Variants in PCDH11X observed in about 807,000 individuals in gnomAD.
PCDH11X encodes the protein protocadherin 11 X-linked, also known as protocadherin-11 X-linked.
Under a neutral mutation model 53.3 loss-of-function variants are expected in PCDH11X, and 18 were observed. That is an observed-to-expected ratio of 0.34 (90% CI 0.23 to 0.50). The LOEUF (loss-of-function observed/expected upper bound fraction) is 0.50, where lower values mean the gene tolerates loss of function less well. Among genes scored for constraint, PCDH11X ranks in the 20% least tolerant of loss-of-function variants. The pLI is 0.98. For missense variants in PCDH11X, 570 were observed against 1,032.4 expected, an observed-to-expected ratio of 0.55 and a Z score of 6.14; for synonymous variants, 279 against 393.3, an observed-to-expected ratio of 0.71 and a Z score of 3.44.
chrX:91,800,559 G>A (rs981062884), intron 1 of PCDH11X, among the ~76,000 whole-genome samples: 9 of 109,091 alleles, frequency 8.2e-5, no homozygotes, highest in African/African-American at 3.0e-4. Flanking sequence ...TTTTCTTAGC[G>A]TTTGGAACAA....
rs755689488 is a variant in PCDH11X, at chrX:92,098,704, G to T, written c.3034-102671G>T. On this transcript the variant is annotated intron_variant, in intron 6 of 10. Coordinates refer to ENST00000682573, the MANE Select transcript of PCDH11X (RefSeq NM_032968.5). ...CTTTTTGCCCAGGCTGGAGTGAAAT[G>T]GTGTGTGATCTTGGCTCACAGCGAC... Among the ~76,000 whole-genome samples the T allele has an allele frequency of 1.2e-4, 11 of 95,637 alleles. No homozygotes were observed. The South Asian group carries it at 6.1e-3, about 53-fold the overall frequency. 83.0% of individuals were successfully genotyped at this position (95,637 alleles called of 115,157 possible). A position where few individuals can be genotyped will look rare whatever the true frequency, so the allele number is the denominator to read the frequency against.
At chrX:92,078,788 T>G (rs780256035) in intron 6 of PCDH11X, among the ~76,000 whole-genome samples, 3 of 111,217 alleles carry the variant, frequency 2.7e-5, no homozygotes, top group African/African-American at 9.8e-5. Context: ...ACTCAGTGTA[T>G]TTTTGCATGT....
intron 8 of PCDH11X, among the ~76,000 whole-genome samples, chrX:92,266,653 T>C (rs184304076): frequency 5.0e-4 from 56 of 112,167 alleles, no homozygotes; most frequent in African/African-American, 1.8e-3. Context: ...TAACCAGTTG[T>C]TATCCATGTG....
At chrX:92,205,056 A>G (rs897195284) in intron 7 of PCDH11X, among the ~76,000 whole-genome samples, 9 of 111,783 alleles carry the variant, frequency 8.1e-5, no homozygotes, top group African/African-American at 2.9e-4. Flanking sequence ...GGGTAGGGAC[A>G]CAGAGTCAAA....
At chrX:92,305,416 C>G (rs1444348852) in intron 8 of PCDH11X, among the ~76,000 whole-genome samples, 3 of 108,833 alleles carry the variant, frequency 2.8e-5, no homozygotes, top group Non-Finnish European at 5.7e-5. Context: ...GCTGTGTGCT[C>G]ACATGGCCTC....
chrX:92,511,274 CATGGAT>C (rs1489708117), intron 10 of PCDH11X, among the ~76,000 whole-genome samples: 3 of 111,571 alleles, frequency 2.7e-5, no homozygotes, highest in African/African-American at 9.8e-5. Flanking sequence ...GAGACAGTTG[CATGGAT>C]GGTGTCATTA....
chrX:92,536,562 AT>A (rs1440358786), intron 10 of PCDH11X, among the ~76,000 whole-genome samples: 3 of 108,210 alleles, frequency 2.8e-5, no homozygotes, highest in Non-Finnish European at 5.7e-5. Context: ...GTTTATAATA[AT>A]TTTCATCTTA....
At chrX:92,278,661 G>A (rs1199216752) in intron 8 of PCDH11X, among the ~76,000 whole-genome samples, 1 of 110,575 alleles carries the variant, frequency 9.0e-6, no homozygotes, top group African/African-American at 3.3e-5. Flanking sequence ...TCACAATGGT[G>A]GAATGTCATC....
At chrX:92,577,775 G>C (rs1238707044) in intron 10 of PCDH11X, among the ~76,000 whole-genome samples, 1 of 109,921 alleles carries the variant, frequency 9.1e-6, no homozygotes, top group Non-Finnish European at 1.9e-5. Flanking sequence ...CTTAATTTCT[G>C]TCTTAATCTT....
intron 4 of PCDH11X, among the ~76,000 whole-genome samples, chrX:91,815,808 A>G (rs971784175): frequency 2.9e-4 from 32 of 108,911 alleles, no homozygotes; most frequent in Non-Finnish European, 5.7e-4. Context: ...GGAAAGGAAT[A>G]AGTAAATGTA....
At chrX:92,290,348 A>G (rs963745645) in intron 8 of PCDH11X, among the ~76,000 whole-genome samples, 18 of 111,531 alleles carry the variant, frequency 1.6e-4, no homozygotes, top group African/African-American at 5.9e-4. Context: ...ACATCGTTAA[A>G]GCCATTCAAT....
intron 6 of PCDH11X, among the ~76,000 whole-genome samples, chrX:92,082,544 A>G (rs2063876508): frequency 1.8e-5 from 2 of 109,548 alleles, no homozygotes; most frequent in Admixed American, 9.9e-5. Context: ...AGGATGACCA[A>G]TGTGCTTTAT....
intron 6 of PCDH11X, among the ~76,000 whole-genome samples, chrX:92,185,504 A>C (rs2066075910): frequency 9.0e-6 from 1 of 111,652 alleles, no homozygotes; most frequent in Non-Finnish European, 1.9e-5. Flanking sequence ...CAAAAATAGA[A>C]GTATGGGATT....
At chrX:91,994,447 C>T (rs1212246822) in intron 6 of PCDH11X, among the ~76,000 whole-genome samples, 4 of 107,453 alleles carry the variant, frequency 3.7e-5, no homozygotes, top group African/African-American at 1.0e-4. Flanking sequence ...TAATGTCCTC[C>T]GTGTTCATCA....
rs2065918607 is a variant in PCDH11X at position 92,176,955 on chromosome X, TTTTTTTTTTTC to T, written c.3034-24409_3034-24399del. Among the ~76,000 whole-genome samples the T allele has an allele frequency of 1.9e-5, 2 of 103,775 alleles. 1 individual carries two copies. The highest frequency in any genetic ancestry group is 8.5e-4 in the South Asian group (2 of 2,350). 90.1% of individuals were successfully genotyped at this position (103,775 alleles called of 115,157 possible). A position where few individuals can be genotyped will look rare whatever the true frequency, so the allele number is the denominator to read the frequency against. ...TTTTAAGCATTAAAGTACAACGTAG[TTTTTTTTTTTC>T]TTTTTTTTTTGGTTGTTGTTTTTTT... On this transcript the variant is annotated intron_variant, in intron 6 of 10. Coordinates refer to ENST00000682573, the MANE Select transcript of PCDH11X (RefSeq NM_032968.5).
chrX:92,037,697 C>T (rs1281594466), intron 6 of PCDH11X, among the ~76,000 whole-genome samples: 19 of 110,859 alleles, frequency 1.7e-4, no homozygotes, highest in Non-Finnish European at 3.4e-4. Flanking sequence ...TCACAGCCTA[C>T]AGCATCTATT....
intron 6 of PCDH11X, among the ~76,000 whole-genome samples, chrX:92,032,883 C>T (rs775544704): frequency 1.0e-3 from 107 of 105,703 alleles, no homozygotes; most frequent in Non-Finnish European, 1.5e-3. Flanking sequence ...AATGCAATGA[C>T]GGCTCACTGC....
chrX:92,294,261 C>T (rs2068561381), intron 8 of PCDH11X, among the ~76,000 whole-genome samples: 1 of 110,357 alleles, frequency 9.1e-6, no homozygotes, highest in South Asian at 4.0e-4. Flanking sequence ...CCTGCCTCAG[C>T]TTCCCACGTA....
chrX:92,452,505 T>G (rs1380156106), intron 9 of PCDH11X, among the ~76,000 whole-genome samples: 1 of 78,174 alleles, frequency 1.3e-5, no homozygotes, highest in Non-Finnish European at 2.4e-5. Flanking sequence ...ATATGTTTTT[T>G]TTTTTTTTTT....
Sources: allele counts gnomAD v4.1 joint callset (sites outside exome capture counted in the v4.1 genomes callset), GRCh38; gene constraint gnomAD v4.1.1; transcripts MANE v1.5; gene names NCBI Gene and HGNC (gene_info 2026-07-23, HGNC 2026-07-21).